MYO6: variants seen among roughly 807,000 people sequenced by gnomAD.
MYO6 encodes the protein unconventional myosin-VI.
MYO6 carries 74 observed loss-of-function variants against 178.7 expected under a neutral mutation model. The observed-to-expected ratio is 0.41, with a 90% CI of 0.34 to 0.50. The LOEUF (loss-of-function observed/expected upper bound fraction) is 0.50, where lower values mean the gene tolerates loss of function less well. MYO6 is among the 20% of genes least tolerant of loss of function. The pLI is 0.09. For synonymous variants in MYO6, 477 were observed against 504.6 expected, an observed-to-expected ratio of 0.95 and a Z score of 0.73; for missense variants, 1,330 against 1,547.4, an observed-to-expected ratio of 0.86 and a Z score of 2.36.
intron 23 of MYO6, among the ~76,000 whole-genome samples, chr6:75,884,145 G>A (rs184889926): frequency 1.3e-4 from 20 of 152,236 alleles, no homozygotes; most frequent in Non-Finnish European, 2.1e-4. Flanking sequence ...CAGTGGTACC[G>A]AAGTCAGTAA....
At chr6:75,870,589 C>A in intron 18 of MYO6, 58 bp from the exon 19 acceptor site, 1 of 1,352,010 alleles carries the variant, frequency 7.4e-7, no homozygotes, top group South Asian at 1.2e-5. Context: ...AATATTAACT[C>A]ATGACACTGT....
At chr6:75,800,186 C>T (rs757947721) in intron 1 of MYO6, among the ~76,000 whole-genome samples, 22 of 152,068 alleles carry the variant, frequency 1.4e-4, no homozygotes, top group Non-Finnish European at 2.8e-4. Flanking sequence ...CAAACAGTCC[C>T]GTAATAAGAG....
In MYO6 at chr6:75,901,520, C is replaced by A. The variant is rs1164326491; in HGVS notation, c.3176+3109C>A. On this transcript the variant is annotated intron_variant, in intron 30 of 34. Coordinates refer to ENST00000369977, the MANE Select transcript of MYO6 (RefSeq NM_004999.4). ...GGGAGTTCACTCGTGATTTGGCTCT[C>A]TGTTTGTCTGTTATTGGTGTATAAG... 7.9e-5 allele frequency among the ~76,000 whole-genome samples: 12 copies of A among 152,178 alleles called. No homozygotes were observed. In the East Asian group the frequency reaches 2.3e-3, roughly 29 times the overall value.
chr6:75,823,203 T>A (rs1227813251), intron 3 of MYO6, among the ~76,000 whole-genome samples: 1 of 152,226 alleles, frequency 6.6e-6, no homozygotes, highest in East Asian at 1.9e-4. Flanking sequence ...TTCAGTAATT[T>A]GGAAGTTGAG....
At chr6:75,843,282 G>A (rs1449976642) in intron 9 of MYO6, among the ~76,000 whole-genome samples, 9 of 152,152 alleles carry the variant, frequency 5.9e-5, no homozygotes, top group Admixed American at 5.2e-4. Flanking sequence ...ATCAAAATTA[G>A]TATGTAAAGA....
chr6:75,784,359 A>T (rs1767294559), intron 1 of MYO6, among the ~76,000 whole-genome samples: 1 of 152,138 alleles, frequency 6.6e-6, no homozygotes, highest in Non-Finnish European at 1.5e-5. Context: ...TTTGAAAAAA[A>T]AAATAGGATT....
intron 1 of MYO6, among the ~76,000 whole-genome samples, chr6:75,802,472 AAAAAAAATTTT>A (rs1769574983): frequency 3.6e-5 from 4 of 111,012 alleles, no homozygotes; most frequent in Non-Finnish European, 3.5e-5. Flanking sequence ...CAGTATCAAA[AAAAAAAATTTT>A]TTTTTTTTTT....
chr6:75,800,571 C>T (rs374392182), intron 1 of MYO6, among the ~76,000 whole-genome samples: 2 of 151,916 alleles, frequency 1.3e-5, no homozygotes, highest in Non-Finnish European at 1.5e-5. Context: ...TCACTATGAA[C>T]GAAACAAATT....
At chr6:75,816,926 C>G (rs1771310968) in intron 1 of MYO6, among the ~76,000 whole-genome samples, 1 of 152,202 alleles carries the variant, frequency 6.6e-6, no homozygotes. Flanking sequence ...GAGGGTTGTA[C>G]TCTACTGCAG....
chr6:75,844,989 C>G lies in MYO6; in HGVS notation c.897+12C>G. 6.3e-7 allele frequency: 1 copy of G among 1,591,780 alleles called. No homozygotes were observed. Among genetic ancestry groups the G allele is most frequent in the Non-Finnish European group, 8.6e-7 (1 of 1,161,340 alleles). On this transcript the variant is annotated intron_variant, in intron 10 of 34. Transcript: ENST00000369977. ...GCAAAAGTCCTGAGGTATAGTAGAC[C>G]ATTGTTCATAAAATCTTTAACTTAA...
chr6:75,756,916 T>C (rs201473955), intron 1 of MYO6, among the ~76,000 whole-genome samples: 127 of 121,816 alleles, frequency 1.0e-3, no homozygotes, highest in East Asian at 3.8e-3. Context: ...TATATACACA[T>C]ATATATACAC....
chr6:75,836,510 T>C (rs1271618422), intron 7 of MYO6, among the ~76,000 whole-genome samples: 1 of 152,164 alleles, frequency 6.6e-6, no homozygotes, highest in Non-Finnish European at 1.5e-5. Context: ...CTGTTTTGTC[T>C]CTTCACTTAG....
chr6:75,862,156 G>A (rs1035250573), intron 15 of MYO6, among the ~76,000 whole-genome samples: 4 of 152,210 alleles, frequency 2.6e-5, no homozygotes, highest in African/African-American at 7.2e-5. Flanking sequence ...AATGGAAAGA[G>A]CGTAAAAATG....
chr6:75,770,951 C>G (rs1765820822), intron 1 of MYO6, among the ~76,000 whole-genome samples: 1 of 150,998 alleles, frequency 6.6e-6, no homozygotes, highest in African/African-American at 2.4e-5. Context: ...GTATTGATAG[C>G]TTACCCCAAG....
intron 1 of MYO6, among the ~76,000 whole-genome samples, chr6:75,787,706 CTCTCTCTCTCTCTCTCTCTCTCTCTATA>C (rs1211326721): frequency 8.6e-5 from 6 of 70,154 alleles, no homozygotes; most frequent in East Asian, 5.1e-4. Context: ...CTCTCTCTCT[CTCTCTCTCTCTCTCTCTCTCTCTCTATA>C]TATATATATA....
At chr6:75,772,542 A>G (rs1765997406) in intron 1 of MYO6, among the ~76,000 whole-genome samples, 1 of 152,210 alleles carries the variant, frequency 6.6e-6, no homozygotes, top group Admixed American at 6.5e-5. Flanking sequence ...TGATGAGGAA[A>G]TGACTAAAAC....
chr6:75,831,556 T>C (rs750938079), intron 5 of MYO6, among the ~76,000 whole-genome samples: 28 of 152,344 alleles, frequency 1.8e-4, no homozygotes, highest in Non-Finnish European at 3.5e-4. Context: ...AACTAGCTTT[T>C]ATTTTTAGCT....
At chr6:75,851,103 T>C (rs1018300995) in intron 11 of MYO6, among the ~76,000 whole-genome samples, 1 of 152,212 alleles carries the variant, frequency 6.6e-6, no homozygotes, top group Non-Finnish European at 1.5e-5. Flanking sequence ...ATACACACTT[T>C]AGAAATGTTG....
At chr6:75,890,323 T>C (rs1778806172) in intron 26 of MYO6, 58 bp downstream of exon 26, 4 of 1,604,070 alleles carry the variant, frequency 2.5e-6, no homozygotes. Context: ...ATTCTTGGTA[T>C]TGACAGTGGT....
Sources: gnomAD v4.1 joint callset for allele counts (sites outside exome capture counted in the v4.1 genomes callset) on GRCh38, gnomAD v4.1.1 for gene constraint, MANE v1.5 for transcripts, NCBI Gene and HGNC (gene_info 2026-07-23, HGNC 2026-07-21) for gene names.